COMMD10: variants seen among roughly 807,000 people sequenced by gnomAD.
COMMD10 encodes the protein COMM domain containing 10, also known as COMM domain-containing protein 10.
A neutral mutation model predicts 28.9 loss-of-function variants in COMMD10; 33 were observed. The observed-to-expected ratio is 1.14, with a 90% CI of 0.87 to 1.53. The LOEUF (loss-of-function observed/expected upper bound fraction) is 1.53. Ranked by LOEUF, COMMD10 falls within the 40% of genes most tolerant of loss-of-function variation. COMMD10 has a pLI of 0.00. For synonymous variants in COMMD10, 110 were observed against 81.7 expected (o/e 1.35, Z -1.87); for missense variants, 310 against 233.4 (o/e 1.33, Z -2.14).
intron 4 of COMMD10, among the ~76,000 whole-genome samples, chr5:116,104,246 C>T (rs548206622): frequency 1.3e-5 from 2 of 152,264 alleles, no homozygotes; most frequent in Non-Finnish European, 2.9e-5. Flanking sequence ...ACAGTATAGC[C>T]ATTTTCACGA....
intron 4 of COMMD10, among the ~76,000 whole-genome samples, chr5:116,108,680 T>G (rs1446190726): frequency 1.3e-5 from 2 of 152,184 alleles, no homozygotes; most frequent in Non-Finnish European, 2.9e-5. Flanking sequence ...TCAGCCCCCT[T>G]TCCAGGAGAG....
chr5:116,244,055 T>C (rs1466853201), intron 5 of COMMD10, among the ~76,000 whole-genome samples: 1 of 152,142 alleles, frequency 6.6e-6, no homozygotes, highest in African/African-American at 2.4e-5. Context: ...ATTATATATC[T>C]ATATATCATG....
At chr5:116,127,670 G>T (rs566014624) in intron 4 of COMMD10, among the ~76,000 whole-genome samples, 4 of 152,068 alleles carry the variant, frequency 2.6e-5, no homozygotes, top group African/African-American at 9.7e-5. Context: ...GCAAATTATC[G>T]CAAGGACAGA....
intron 5 of COMMD10, among the ~76,000 whole-genome samples, chr5:116,172,781 T>C (rs1291679955): frequency 1.3e-5 from 2 of 152,182 alleles, no homozygotes; most frequent in Non-Finnish European, 2.9e-5. Context: ...AAAATATTAC[T>C]AACCTTTCCT....
intron 4 of COMMD10, among the ~76,000 whole-genome samples, chr5:116,133,037 T>A (rs1476278297): frequency 6.6e-6 from 1 of 152,170 alleles, no homozygotes; most frequent in African/African-American, 2.4e-5. Flanking sequence ...GCTGTGATTC[T>A]AGCTGTTGAA....
intron 5 of COMMD10, among the ~76,000 whole-genome samples, chr5:116,244,228 A>C (rs1749883810): frequency 6.6e-6 from 1 of 152,032 alleles, no homozygotes; most frequent in Admixed American, 6.6e-5. Flanking sequence ...TTCTTTTTTA[A>C]AACAACTTGT....
chr5:116,256,837 T>G (rs1750300735), intron 5 of COMMD10, among the ~76,000 whole-genome samples: 1 of 151,772 alleles, frequency 6.6e-6, no homozygotes, highest in African/African-American at 2.4e-5. Context: ...TATCCCTGTC[T>G]CAGCCAGCCA....
intron 5 of COMMD10, among the ~76,000 whole-genome samples, chr5:116,180,966 A>C (rs1337902105): frequency 6.6e-6 from 1 of 152,066 alleles, no homozygotes; most frequent in Non-Finnish European, 1.5e-5. Flanking sequence ...CAGCCTGGAC[A>C]ACATGGTGAA....
At chr5:116,262,372 A>G (rs572514770) in intron 5 of COMMD10, among the ~76,000 whole-genome samples, 3 of 151,836 alleles carry the variant, frequency 2.0e-5, no homozygotes, top group Non-Finnish European at 4.4e-5. Context: ...ATTTAAAGAG[A>G]GCAGTCATTA....
At chr5:116,254,582 T>G (rs1750225924) in intron 5 of COMMD10, among the ~76,000 whole-genome samples, 1 of 151,672 alleles carries the variant, frequency 6.6e-6, no homozygotes, top group South Asian at 2.1e-4. Flanking sequence ...GAGCAGGTGG[T>G]TCAGTTTCCA....
At position 116,192,499 on chromosome 5, in the gene COMMD10, G is replaced by C. The variant is rs530183050; in HGVS notation, c.510+58321G>C. ...ACAATAAAAAATTCAGGAAACTTTG[G>C]ACAAACTTATAGAAATGTGAAATGC... is the stretch of plus-strand genomic sequence containing the variant. On this transcript the variant is annotated intron_variant, in intron 5 of 6. Coordinates refer to ENST00000274458, the MANE Select transcript of COMMD10 (RefSeq NM_016144.4). 2.2e-3 allele frequency among the ~76,000 whole-genome samples: 336 copies of C among 152,176 alleles called. 4 individuals carry two copies. Among genetic ancestry groups the C allele is most frequent in the African/African-American group, 7.8e-3 (325 of 41,536 alleles).
intron 5 of COMMD10, among the ~76,000 whole-genome samples, chr5:116,214,198 T>G (rs1425150587): frequency 1.3e-5 from 2 of 152,132 alleles, no homozygotes; most frequent in African/African-American, 4.8e-5. Flanking sequence ...TCTTGGAAAG[T>G]AGAACCATAA....
chr5:116,222,111 A>T (rs1446216943), intron 5 of COMMD10, among the ~76,000 whole-genome samples: 1 of 152,194 alleles, frequency 6.6e-6, no homozygotes, highest in African/African-American at 2.4e-5. Context: ...GCCATCTGGG[A>T]TGTTAAGAAG....
At chr5:116,175,179 T>C (rs1441699597) in intron 5 of COMMD10, among the ~76,000 whole-genome samples, 26 of 152,100 alleles carry the variant, frequency 1.7e-4, no homozygotes, top group Admixed American at 1.6e-3. Context: ...CTCAGTTGTA[T>C]TTAATATATG....
At chr5:116,227,612 C>T (rs1490643291) in intron 5 of COMMD10, among the ~76,000 whole-genome samples, 1 of 152,066 alleles carries the variant, frequency 6.6e-6, no homozygotes, top group Non-Finnish European at 1.5e-5. Context: ...TCCAGAAATA[C>T]TAAGGCTGCC....
chr5:116,106,906 A>T (rs1425501016), intron 4 of COMMD10, among the ~76,000 whole-genome samples: 1 of 152,164 alleles, frequency 6.6e-6, no homozygotes, highest in East Asian at 1.9e-4. Context: ...AATACAGCAC[A>T]CCAATGAGTC....
chr5:116,161,865 G>A (rs989851368), intron 5 of COMMD10, among the ~76,000 whole-genome samples: 4 of 152,076 alleles, frequency 2.6e-5, no homozygotes, highest in African/African-American at 9.7e-5. Flanking sequence ...ATAAACTCAC[G>A]TATAAATGGA....
intron 5 of COMMD10, among the ~76,000 whole-genome samples, chr5:116,288,832 A>C (rs1334648479): frequency 1.7e-5 from 2 of 115,340 alleles, no homozygotes; most frequent in African/African-American, 6.1e-5. Flanking sequence ...TTGTTCATGT[A>C]TCATTTTCCT....
chr5:116,117,227 A>G (rs997879993), intron 4 of COMMD10, among the ~76,000 whole-genome samples: 10 of 152,170 alleles, frequency 6.6e-5, no homozygotes, highest in East Asian at 1.9e-4. Flanking sequence ...TAAGATTGCT[A>G]TGAACATTTG....
Sources: gnomAD v4.1 joint callset for allele counts (sites outside exome capture counted in the v4.1 genomes callset) on GRCh38, gnomAD v4.1.1 for gene constraint, MANE v1.5 for transcripts, NCBI Gene and HGNC (gene_info 2026-07-23, HGNC 2026-07-21) for gene names.